SLC39A10: variants seen among roughly 807,000 people sequenced by gnomAD.
The protein encoded by SLC39A10 is zinc transporter ZIP10.
A neutral mutation model predicts 65.1 loss-of-function variants in SLC39A10; 13 were observed. The ratio of observed to expected loss-of-function variants is 0.20; its 90% CI spans 0.13 to 0.32. The LOEUF is 0.32. Ranked by LOEUF, SLC39A10 falls within the 10% of genes least tolerant of loss-of-function variation. SLC39A10 has a pLI of 1.00. For synonymous variants in SLC39A10, 321 were observed against 342.2 expected (o/e 0.94, Z 0.68); for missense variants, 831 against 1,018.4 (o/e 0.82, Z 2.50).
At chr2:195,679,139 G>C (rs1690208458) in intron 1 of SLC39A10, among the ~76,000 whole-genome samples, 1 of 152,178 alleles carries the variant, frequency 6.6e-6, no homozygotes, top group African/African-American at 2.4e-5. Context: ...ACCCGTATGT[G>C]ACTAGTGGTG....
At chr2:195,660,016 T>C (rs1040959031) in intron 1 of SLC39A10, among the ~76,000 whole-genome samples, 7 of 152,320 alleles carry the variant, frequency 4.6e-5, no homozygotes, top group African/African-American at 1.7e-4. Context: ...TAATAACATG[T>C]GCATCTTGTT....
At chr2:195,661,570 C>G (rs1407015601) in intron 1 of SLC39A10, among the ~76,000 whole-genome samples, 3 of 152,104 alleles carry the variant, frequency 2.0e-5, no homozygotes, top group Admixed American at 6.5e-5. Flanking sequence ...AAATTAACTG[C>G]TTAGGAGACC....
chr2:195,698,649 A>G (rs1407985663), intron 3 of SLC39A10, among the ~76,000 whole-genome samples: 1 of 151,822 alleles, frequency 6.6e-6, no homozygotes, highest in Non-Finnish European at 1.5e-5. Flanking sequence ...CATTCCAGCA[A>G]TAAATCCCAT....
chr2:195,662,132 T>TTAA (rs1689428579), intron 1 of SLC39A10, among the ~76,000 whole-genome samples: 1 of 152,140 alleles, frequency 6.6e-6, no homozygotes, highest in South Asian at 2.1e-4. Context: ...ACGAAGGAGG[T>TTAA]TAATTTTAAT....
At chr2:195,644,435 G>A (rs1688870077) in intron 2 of SLC39A10, among the ~76,000 whole-genome samples, 2 of 150,514 alleles carry the variant, frequency 1.3e-5, no homozygotes, top group African/African-American at 4.9e-5. Context: ...TCTGCTTCCC[G>A]GGTTCAAGCG....
In SLC39A10 at chr2:195,735,805, A is replaced by ATTT. The variant is rs55916294; in HGVS notation, c.*780_*782dup. The ATTT allele has an allele frequency of 0.12, 15,414 of 124,152 alleles. 1,072 individuals carry two copies. Among genetic ancestry groups the ATTT allele is most frequent in the Non-Finnish European group, 0.14 (8,329 of 60,040 alleles). 7.7% of individuals were successfully genotyped at this position (124,152 alleles called of 1,614,324 possible). On this transcript the variant is annotated 3_prime_UTR_variant, in exon 10 of 10. Coordinates refer to ENST00000359634, the MANE Select transcript of SLC39A10 (RefSeq NM_020342.3). Reference sequence around the variant, plus strand: ...TGTTTTTTACTTTAATTTTGTTTTGATTTTTTTTTTTTTTTTTTGGCGGGG... The same window carrying ATTT: ...TGTTTTTTACTTTAATTTTGTTTTGATTTTTTTTTTTTTTTTTTTTTGGCGGGG...
chr2:195,652,409 C>A (rs530146489), upstream of SLC39A10, among the ~76,000 whole-genome samples: 1 of 151,728 alleles, frequency 6.6e-6, no homozygotes, highest in African/African-American at 2.4e-5. Context: ...ACTAGCTGGG[C>A]GTGGTGGTAG....
At chr2:195,665,175 GGTGTGGTA>G (rs1409920247) in intron 1 of SLC39A10, among the ~76,000 whole-genome samples, 2 of 152,172 alleles carry the variant, frequency 1.3e-5, no homozygotes, top group Non-Finnish European at 2.9e-5. Context: ...AAATTAGCTG[GGTGTGGTA>G]GCAGGTGCCT....
upstream of SLC39A10, among the ~76,000 whole-genome samples, chr2:195,654,280 A>G (rs1376694904): frequency 1.3e-5 from 2 of 152,174 alleles, no homozygotes; most frequent in African/African-American, 4.8e-5. Context: ...AAGACTCTTA[A>G]TTTTGTTGTG....
chr2:195,633,076 A>T (rs1232980964), intron 2 of SLC39A10, among the ~76,000 whole-genome samples: 1 of 152,230 alleles, frequency 6.6e-6, no homozygotes, highest in Non-Finnish European at 1.5e-5. Context: ...GAGCTAAAAA[A>T]AATAATTTTT....
chr2:195,668,701 T>C (rs1689732632), intron 1 of SLC39A10, among the ~76,000 whole-genome samples: 1 of 152,014 alleles, frequency 6.6e-6, no homozygotes, highest in South Asian at 2.1e-4. Flanking sequence ...GTTGTTGTTG[T>C]TGTTTGTTTG....
intron 3 of SLC39A10, among the ~76,000 whole-genome samples, chr2:195,705,442 A>C (rs1370878067): frequency 6.6e-6 from 1 of 152,190 alleles, no homozygotes; most frequent in African/African-American, 2.4e-5. Context: ...ACATTACTGG[A>C]TATTGTGAAT....
At chr2:195,617,517 G>T (rs192736084) in intron 2 of SLC39A10, among the ~76,000 whole-genome samples, 1 of 151,988 alleles carries the variant, frequency 6.6e-6, no homozygotes, top group Admixed American at 6.5e-5. Flanking sequence ...AGCCGGGATT[G>T]TGCCACTGTA....
At position 195,687,032 on chromosome 2, in the gene SLC39A10, G is replaced by A. The variant is rs1342714595; in HGVS notation, c.1216+3126G>A. Among the ~76,000 whole-genome samples, 5 of 152,286 alleles carry A rather than the reference G, an allele frequency of 3.3e-5. No homozygotes were observed. In the East Asian group the frequency reaches 9.6e-4, roughly 29 times the overall value. On this transcript the variant is annotated intron_variant, in intron 3 of 9. Coordinates refer to ENST00000359634, the MANE Select transcript of SLC39A10 (RefSeq NM_020342.3). ...AACAAGTGGGGCTCTCTGGTAAGAT[G>A]AGTAAAAGGAGAGAAAGTGGGGCTT...
chr2:195,734,266 G>A (rs2105853784), intron 9 of SLC39A10, among the ~76,000 whole-genome samples: 1 of 151,516 alleles, frequency 6.6e-6, no homozygotes, highest in African/African-American at 2.4e-5. Context: ...TGCCTCCCAG[G>A]TTCAAATGAT....
At chr2:195,647,562 A>G (rs1688947955) in intron 2 of SLC39A10, among the ~76,000 whole-genome samples, 2 of 151,868 alleles carry the variant, frequency 1.3e-5, no homozygotes, top group Admixed American at 1.3e-4. Context: ...CATAAGTCAG[A>G]CTTCAGATGT....
At chr2:195,668,806 C>T (rs879772318) in intron 1 of SLC39A10, among the ~76,000 whole-genome samples, 5 of 152,112 alleles carry the variant, frequency 3.3e-5, no homozygotes, top group East Asian at 1.9e-4. Context: ...TACTGTCGCT[C>T]GCACCCAGCA....
chr2:195,667,266 C>T (rs1689669877), intron 1 of SLC39A10, among the ~76,000 whole-genome samples: 3 of 152,084 alleles, frequency 2.0e-5, no homozygotes, highest in Non-Finnish European at 4.4e-5. Flanking sequence ...ATATGATTTC[C>T]AGTAGATTAG....
chr2:195,621,053 A>C (rs1343067710), intron 2 of SLC39A10, among the ~76,000 whole-genome samples: 7 of 152,254 alleles, frequency 4.6e-5, no homozygotes, highest in African/African-American at 1.7e-4. Flanking sequence ...TTCAAATAGA[A>C]CATAAATTTT....
Sources: allele counts gnomAD v4.1 joint callset (sites outside exome capture counted in the v4.1 genomes callset), GRCh38; gene constraint gnomAD v4.1.1; transcripts MANE v1.5; gene names NCBI Gene and HGNC (gene_info 2026-07-23, HGNC 2026-07-21).